The following FER variants were observed in gnomAD, a reference collection of about 807,000 sequenced individuals.
FER encodes the protein FER tyrosine kinase.
Under a neutral mutation model 111.0 loss-of-function variants are expected in FER, and 63 were observed. The ratio of observed to expected loss-of-function variants is 0.57; its 90% CI spans 0.46 to 0.70. The LOEUF is 0.70. Ranked by LOEUF, FER falls within the 30% of genes least tolerant of loss-of-function variation. FER has a pLI of 0.00. For missense variants in FER, 914 were observed against 954.0 expected, an observed-to-expected ratio of 0.96 and a Z score of 0.55; for synonymous variants, 327 against 313.9, an observed-to-expected ratio of 1.04 and a Z score of -0.44.
At chr5:109,084,265 T>C (rs1777309450) in intron 16 of FER, among the ~76,000 whole-genome samples, 1 of 152,056 alleles carries the variant, frequency 6.6e-6, no homozygotes, top group Non-Finnish European at 1.5e-5. Context: ...CTTTACATAT[T>C]CTTATTGCCA....
At chr5:108,864,668 A>G (rs1021768830) in intron 5 of FER, among the ~76,000 whole-genome samples, 3 of 152,172 alleles carry the variant, frequency 2.0e-5, no homozygotes, top group African/African-American at 7.2e-5. Flanking sequence ...AGATGGTTGT[A>G]GATATGCGGC....
In FER at chr5:108,932,025, A is replaced by AT. The variant is rs72274389; in HGVS notation, c.1237-14095dup. On this transcript the variant is annotated intron_variant, in intron 10 of 19. Coordinates refer to ENST00000281092, the MANE Select transcript of FER (RefSeq NM_005246.4). ...ATACTTGGTTATATCACTTGGTTAC[A>AT]TTTTTTTTTTATTATACTTTAAGTT... is the stretch of plus-strand genomic sequence containing the variant. Among the ~76,000 whole-genome samples, 110 of 148,334 alleles carry AT rather than the reference A, an allele frequency of 7.4e-4. 1 individual carries two copies. Among genetic ancestry groups the AT allele is most frequent in the African/African-American group, 1.6e-3 (66 of 40,328 alleles).
intron 5 of FER, among the ~76,000 whole-genome samples, chr5:108,857,905 G>A (rs915478132): frequency 2.6e-5 from 4 of 152,104 alleles, no homozygotes; most frequent in Admixed American, 1.3e-4. Flanking sequence ...CATTGAATAC[G>A]TATTTTCTGG....
intron 10 of FER, among the ~76,000 whole-genome samples, chr5:108,919,374 G>T (rs943944896): frequency 1.3e-5 from 2 of 151,782 alleles, no homozygotes; most frequent in Non-Finnish European, 2.9e-5. Context: ...TATGAAACAT[G>T]TCCTATTTTG....
At chr5:109,137,701 T>TAAGAGAC (rs1283928860) in intron 17 of FER, among the ~76,000 whole-genome samples, 1 of 152,148 alleles carries the variant, frequency 6.6e-6, no homozygotes, top group Non-Finnish European at 1.5e-5. Flanking sequence ...TTGGTGTTAG[T>TAAGAGAC]AAGAGACTGA....
intron 3 of FER, among the ~76,000 whole-genome samples, chr5:108,801,743 T>C (rs907208892): frequency 2.0e-5 from 3 of 152,200 alleles, no homozygotes; most frequent in African/African-American, 7.2e-5. Flanking sequence ...TTTTTTTCTT[T>C]CCTTAAGTTG....
chr5:109,146,210 T>TTTATATATATATATTATCTATATAA (rs1561953365), intron 17 of FER, among the ~76,000 whole-genome samples: 3 of 95,308 alleles, frequency 3.1e-5, no homozygotes, highest in Non-Finnish European at 4.7e-5. Context: ...TCTATCTATT[T>TTTATATATATATATTATCTATATAA]TATATATATA....
chr5:108,879,101 A>G (rs1765380776), intron 8 of FER, among the ~76,000 whole-genome samples: 2 of 152,120 alleles, frequency 1.3e-5, no homozygotes, highest in African/African-American at 4.8e-5. Context: ...CTTGGCACTC[A>G]AATGTTAAGT....
At chr5:108,903,864 G>T (rs1411690210) in intron 10 of FER, among the ~76,000 whole-genome samples, 1 of 152,190 alleles carries the variant, frequency 6.6e-6, no homozygotes, top group East Asian at 1.9e-4. Context: ...ATGGGTCTAA[G>T]TGTCCTTTCT....
intron 18 of FER, among the ~76,000 whole-genome samples, chr5:109,182,395 A>G (rs771986740): frequency 2.6e-5 from 4 of 152,186 alleles, no homozygotes; most frequent in Admixed American, 1.3e-4. Flanking sequence ...CAGTTCCACT[A>G]TTCCTTAGAA....
intron 3 of FER, among the ~76,000 whole-genome samples, chr5:108,805,332 C>T (rs1757091355): frequency 6.6e-6 from 1 of 152,190 alleles, no homozygotes; most frequent in South Asian, 2.1e-4. Context: ...ACTGTAAGTT[C>T]AGTTAAATCT....
intron 12 of FER, among the ~76,000 whole-genome samples, chr5:108,957,259 C>T (rs780920332): frequency 2.8e-4 from 42 of 151,556 alleles, no homozygotes; most frequent in Non-Finnish European, 3.3e-4. Context: ...TGCATTCATG[C>T]ATTCAAGACA....
intron 2 of FER, among the ~76,000 whole-genome samples, chr5:108,772,765 T>G (rs1753061288): frequency 1.3e-5 from 2 of 152,222 alleles, no homozygotes; most frequent in South Asian, 4.1e-4. Context: ...CAATTGAAAT[T>G]CAAGGCGTTC....
chr5:109,001,328 C>T (rs539989820), intron 13 of FER, among the ~76,000 whole-genome samples: 1 of 152,300 alleles, frequency 6.6e-6, no homozygotes, highest in East Asian at 1.9e-4. Flanking sequence ...GCTGGTTCAA[C>T]ATACGAAAAT....
Position 108,928,638 on chromosome 5 carries a change from C to G in FER, c.1237-17492C>G, listed in dbSNP as rs555849320. ...TACTCAGTTTCTAATTAATTTCTAG[C>G]AAAAGGTTTATTCTAGCTATGAACG... On this transcript the variant is annotated intron_variant, in intron 10 of 19. Transcript: ENST00000281092. 3.3e-5 allele frequency among the ~76,000 whole-genome samples: 5 copies of G among 152,092 alleles called. 1 individual carries two copies. The highest frequency in any genetic ancestry group is 1.2e-4 in the African/African-American group (5 of 41,520).
At chr5:109,077,983 C>T (rs1776551656) in intron 16 of FER, among the ~76,000 whole-genome samples, 1 of 152,050 alleles carries the variant, frequency 6.6e-6, no homozygotes, top group Non-Finnish European at 1.5e-5. Flanking sequence ...TTATTGTAAA[C>T]TTGCAGATCA....
intron 18 of FER, among the ~76,000 whole-genome samples, chr5:109,184,923 A>T (rs1233040198): frequency 1.3e-5 from 2 of 152,188 alleles, no homozygotes; most frequent in African/African-American, 4.8e-5. Context: ...GTATTTATAA[A>T]TCCTGCAGTG....
intron 11 of FER, 69 bp from the exon 12 acceptor site, chr5:108,954,660 T>C: frequency 8.4e-7 from 1 of 1,188,162 alleles, no homozygotes; most frequent in Non-Finnish European, 1.1e-6. Flanking sequence ...TTATAGTTGC[T>C]ATGAATTTTA....
At chr5:108,987,743 A>C (rs1762737001) in intron 13 of FER, among the ~76,000 whole-genome samples, 1 of 152,144 alleles carries the variant, frequency 6.6e-6, no homozygotes, top group Non-Finnish European at 1.5e-5. Context: ...AGCAAACAGC[A>C]ACAGTTTAAT....
Sources: allele counts gnomAD v4.1 joint callset (sites outside exome capture counted in the v4.1 genomes callset), GRCh38; gene constraint gnomAD v4.1.1; transcripts MANE v1.5; gene names NCBI Gene and HGNC (gene_info 2026-07-23, HGNC 2026-07-21).